Variants in LRP1B observed in about 807,000 individuals in gnomAD.
The protein encoded by LRP1B is low-density lipoprotein receptor-related protein 1B.
Under a neutral mutation model 556.6 loss-of-function variants are expected in LRP1B, and 217 were observed. The ratio of observed to expected loss-of-function variants is 0.39; its 90% CI spans 0.35 to 0.44. The LOEUF is 0.44. Among genes scored for constraint, LRP1B ranks in the 20% least tolerant of loss-of-function variants. The pLI is 1.00. For synonymous variants in LRP1B, 2,047 were observed against 1,865.8 expected, an observed-to-expected ratio of 1.10 and a Z score of -2.50; for missense variants, 5,053 against 5,620.8, an observed-to-expected ratio of 0.90 and a Z score of 3.23.
intron 2 of LRP1B, among the ~76,000 whole-genome samples, chr2:141,528,699 C>G (rs539439852): frequency 6.6e-6 from 1 of 152,144 alleles, no homozygotes; most frequent in African/African-American, 2.4e-5. Flanking sequence ...TAAATTAGAA[C>G]TAGGGTAAAA....
intron 1 of LRP1B, among the ~76,000 whole-genome samples, chr2:141,938,661 C>T (rs1288840988): frequency 6.6e-6 from 1 of 152,090 alleles, no homozygotes; most frequent in African/African-American, 2.4e-5. Flanking sequence ...TAGCACTATT[C>T]ACAATAGCCA....
intron 41 of LRP1B, among the ~76,000 whole-genome samples, chr2:140,689,782 T>C (rs1442535271): frequency 4.6e-5 from 7 of 152,140 alleles, no homozygotes; most frequent in African/African-American, 1.7e-4. Context: ...AACCACAGGT[T>C]TCTAGTAAAG....
chr2:140,582,122 AT>A (rs1681786471), intron 43 of LRP1B, among the ~76,000 whole-genome samples: 1 of 152,282 alleles, frequency 6.6e-6, no homozygotes, highest in South Asian at 2.1e-4. Flanking sequence ...CAAAACCATA[AT>A]TAAAAAAAAA....
intron 7 of LRP1B, among the ~76,000 whole-genome samples, chr2:141,104,131 A>G (rs1275786304): frequency 6.6e-6 from 1 of 152,060 alleles, no homozygotes; most frequent in Non-Finnish European, 1.5e-5. Context: ...AAAATAACAT[A>G]GCATGCTGAT....
At chr2:141,742,842 C>T (rs1960947) in intron 2 of LRP1B, among the ~76,000 whole-genome samples, 147,512 of 152,242 alleles carry the variant, frequency 0.97, 71,631 homozygotes, top group East Asian at 1. Flanking sequence ...TCTGGTTAAA[C>T]TAATTCTAGT....
chr2:140,451,615 A>C (rs1218847295), intron 62 of LRP1B, among the ~76,000 whole-genome samples: 3 of 152,142 alleles, frequency 2.0e-5, no homozygotes, highest in South Asian at 2.1e-4. Context: ...AGCCATGATG[A>C]GTATGGGCCC....
At chr2:141,446,266 A>G (rs1439202403) in intron 3 of LRP1B, among the ~76,000 whole-genome samples, 3 of 152,022 alleles carry the variant, frequency 2.0e-5, no homozygotes, top group African/African-American at 7.2e-5. Flanking sequence ...TTGTTTGGTA[A>G]ATATTCCTCC....
rs1425221410 is a variant in LRP1B, at chr2:141,646,225, TC to T, written c.205+164053del. Among the ~76,000 whole-genome samples, 4 of 152,326 alleles carry T rather than the reference TC, an allele frequency of 2.6e-5. No homozygotes were observed. In the East Asian group the frequency reaches 7.7e-4, roughly 29 times the overall value. Reference sequence around the variant, plus strand: ...CATTTTGTCAAATTTAAAAGAGAATTCCATGTTTGTATTGAAATGTATGTAT... The same window carrying T: ...CATTTTGTCAAATTTAAAAGAGAATTCATGTTTGTATTGAAATGTATGTAT... On this transcript the variant is annotated intron_variant, in intron 2 of 90. Transcript: ENST00000389484.
At chr2:141,746,624 C>T (rs982891283) in intron 2 of LRP1B, among the ~76,000 whole-genome samples, 2 of 151,756 alleles carry the variant, frequency 1.3e-5, no homozygotes, top group African/African-American at 2.4e-5. Flanking sequence ...GAGTGCACAC[C>T]TGATTTTTGG....
chr2:140,324,406 C>T (rs936795165), intron 80 of LRP1B, among the ~76,000 whole-genome samples: 3 of 151,966 alleles, frequency 2.0e-5, no homozygotes, highest in African/African-American at 7.2e-5. Flanking sequence ...CTGTAGTATA[C>T]AAACAGGCAA....
chr2:141,958,476 A>C (rs1701322304), intron 1 of LRP1B, among the ~76,000 whole-genome samples: 1 of 152,022 alleles, frequency 6.6e-6, no homozygotes, highest in Non-Finnish European at 1.5e-5. Flanking sequence ...ATTTCTCTTA[A>C]AGGGATTGTT....
chr2:141,406,720 A>C lies in LRP1B; in HGVS notation c.343+73676T>G, dbSNP rs75371917. On this transcript the variant is annotated intron_variant, in intron 3 of 90. Transcript: ENST00000389484. Reference sequence around the variant, plus strand: ...ATGTTGTATTAAATTATTTGCTTGGAATCAGCTACTCCTCCACCATAGGAG... The same window carrying C: ...ATGTTGTATTAAATTATTTGCTTGGCATCAGCTACTCCTCCACCATAGGAG... Among the ~76,000 whole-genome samples, 493 of 152,170 alleles carry C rather than the reference A, an allele frequency of 3.2e-3. 1 individual carries two copies. The highest frequency in any genetic ancestry group is 0.011 in the African/African-American group (457 of 41,532).
chr2:140,240,196 C>T (rs1234103386), intron 87 of LRP1B, among the ~76,000 whole-genome samples: 1 of 147,018 alleles, frequency 6.8e-6, no homozygotes, highest in Admixed American at 6.8e-5. Context: ...TGAAGAGGTT[C>T]TCTTTCTCAT....
chr2:140,451,616 G>C (rs1320451711), intron 62 of LRP1B, among the ~76,000 whole-genome samples: 1 of 152,082 alleles, frequency 6.6e-6, no homozygotes, highest in Non-Finnish European at 1.5e-5. Context: ...GCCATGATGA[G>C]TATGGGCCCC....
intron 2 of LRP1B, among the ~76,000 whole-genome samples, chr2:141,767,732 G>A (rs1694772268): frequency 6.6e-6 from 1 of 152,142 alleles, no homozygotes; most frequent in East Asian, 1.9e-4. Flanking sequence ...GTGGGAGCCA[G>A]AGAATTGAGA....
At chr2:141,777,083 G>A (rs897835629) in intron 2 of LRP1B, among the ~76,000 whole-genome samples, 1 of 152,112 alleles carries the variant, frequency 6.6e-6, no homozygotes, top group East Asian at 1.9e-4. Context: ...AGGACTGCTA[G>A]GACAACAAGA....
chr2:141,919,108 T>C (rs993280426), intron 1 of LRP1B, among the ~76,000 whole-genome samples: 2 of 152,122 alleles, frequency 1.3e-5, no homozygotes, highest in Admixed American at 1.3e-4. Context: ...GAATATTTGT[T>C]TGTATAATTA....
chr2:140,263,806 C>CTTT (rs59927620), intron 86 of LRP1B, among the ~76,000 whole-genome samples: 13,850 of 145,198 alleles, frequency 0.095, 1,049 homozygotes, highest in East Asian at 0.24. Flanking sequence ...TAATTGAGGC[C>CTTT]TTTTTTTTTT....
At chr2:141,333,942 C>A (rs1465591488) in intron 3 of LRP1B, among the ~76,000 whole-genome samples, 1 of 152,080 alleles carries the variant, frequency 6.6e-6, no homozygotes. Context: ...CATTCCTGAT[C>A]TCCTTTTTAA....
Sources: allele counts gnomAD v4.1 joint callset (sites outside exome capture counted in the v4.1 genomes callset), GRCh38; gene constraint gnomAD v4.1.1; transcripts MANE v1.5; gene names NCBI Gene and HGNC (gene_info 2026-07-23, HGNC 2026-07-21).